Variants in PTPRD observed in about 807,000 individuals in gnomAD.
PTPRD encodes protein tyrosine phosphatase receptor type D, also known as receptor-type tyrosine-protein phosphatase delta.
PTPRD carries 34 observed loss-of-function variants against 214.5 expected under a neutral mutation model. The observed-to-expected ratio is 0.16, with a 90% CI of 0.12 to 0.21. PTPRD has a LOEUF of 0.21. Among genes scored for constraint, PTPRD ranks in the 10% least tolerant of loss-of-function variants. The probability of loss-of-function intolerance (pLI) is 1.00; values close to 1 mark genes in which losing one functional copy is unlikely to be tolerated. For synonymous variants in PTPRD, 1,128 were observed against 845.7 expected (o/e 1.33, Z -5.79); for missense variants, 2,545 against 2,398.7 (o/e 1.06, Z -1.27).
At chr9:9,289,813 A>G (rs1274801615) in intron 9 of PTPRD, among the ~76,000 whole-genome samples, 1 of 151,816 alleles carries the variant, frequency 6.6e-6, no homozygotes, top group Non-Finnish European at 1.5e-5. Context: ...AAGGCTGAAT[A>G]GCATAACATT....
At position 10,302,591 on chromosome 9, in the gene PTPRD, C is replaced by CA. The variant is rs1596504548; in HGVS notation, c.-545+38371dup. Among the ~76,000 whole-genome samples the CA allele has an allele frequency of 2.0e-5, 3 of 151,856 alleles. No individual in the cohort carries two copies. In the East Asian group the frequency reaches 5.8e-4, roughly 29 times the overall value. On this transcript the variant is annotated intron_variant, in intron 3 of 45. Transcript: ENST00000381196. Reference sequence around the variant, plus strand: ...AAATATTTACCAAGCAAATAGAAAGCAAAAATAGCACGGGTTACAATCGTA... The same window carrying CA: ...AAATATTTACCAAGCAAATAGAAAGCAAAAAATAGCACGGGTTACAATCGTA...
At chr9:8,597,116 T>C (rs1224909505) in intron 14 of PTPRD, among the ~76,000 whole-genome samples, 1 of 152,140 alleles carries the variant, frequency 6.6e-6, no homozygotes, top group Non-Finnish European at 1.5e-5. Flanking sequence ...ATGACTGCCA[T>C]TATCAATTCT....
intron 4 of PTPRD, among the ~76,000 whole-genome samples, chr9:9,972,482 C>T (rs935422744): frequency 6.6e-6 from 1 of 152,180 alleles, no homozygotes; most frequent in African/African-American, 2.4e-5. Flanking sequence ...ATTTCATTCA[C>T]TCCCTTCATA....
intron 3 of PTPRD, among the ~76,000 whole-genome samples, chr9:10,221,405 C>T (rs572949919): frequency 6.6e-6 from 1 of 151,968 alleles, no homozygotes; most frequent in East Asian, 1.9e-4. Context: ...GATTCTAGAA[C>T]TATCCTTTTT....
At chr9:9,190,502 C>A (rs988513050) in intron 9 of PTPRD, among the ~76,000 whole-genome samples, 4 of 151,886 alleles carry the variant, frequency 2.6e-5, no homozygotes. Flanking sequence ...ATTCTGAGGC[C>A]CCCCCAGCCA....
chr9:10,338,054 T>G (rs182967134), intron 3 of PTPRD, among the ~76,000 whole-genome samples: 26 of 151,766 alleles, frequency 1.7e-4, no homozygotes, highest in African/African-American at 5.8e-4. Flanking sequence ...ATGAAGTAAG[T>G]TTATTCATAT....
intron 10 of PTPRD, among the ~76,000 whole-genome samples, chr9:9,162,995 C>G (rs1186256589): frequency 1.3e-5 from 2 of 152,110 alleles, no homozygotes; most frequent in Non-Finnish European, 2.9e-5. Context: ...GGGTACAACT[C>G]TCTTCTGGTG....
intron 5 of PTPRD, among the ~76,000 whole-genome samples, chr9:9,937,470 TATTTTATAA>T (rs2089965339): frequency 6.6e-6 from 1 of 150,522 alleles, no homozygotes; most frequent in Non-Finnish European, 1.5e-5. Context: ...TTAGAAAAAA[TATTTTATAA>T]ATTTTATACA....
At chr9:9,904,497 C>G (rs928954777) in intron 5 of PTPRD, among the ~76,000 whole-genome samples, 30 of 152,010 alleles carry the variant, frequency 2.0e-4, no homozygotes, top group African/African-American at 6.8e-4. Context: ...GTAATTATCT[C>G]AAAGGGTAAG....
chr9:10,037,654 A>G (rs904494417), intron 3 of PTPRD, among the ~76,000 whole-genome samples: 1 of 151,932 alleles, frequency 6.6e-6, no homozygotes, highest in Non-Finnish European at 1.5e-5. Context: ...TGGTTTAACC[A>G]AGACAAGTTC....
At chr9:9,886,587 A>G (rs2071014774) in intron 5 of PTPRD, among the ~76,000 whole-genome samples, 1 of 152,138 alleles carries the variant, frequency 6.6e-6, no homozygotes, top group Non-Finnish European at 1.5e-5. Flanking sequence ...GAAATTCTAC[A>G]ATGTGATCTT....
At chr9:8,363,587 G>T (rs1047797244) in intron 39 of PTPRD, among the ~76,000 whole-genome samples, 76 of 152,274 alleles carry the variant, frequency 5.0e-4, no homozygotes, top group African/African-American at 1.7e-3. Flanking sequence ...GTACTTGGGG[G>T]TTTTGCTCTT....
At chr9:8,988,306 T>G (rs1290767793) in intron 11 of PTPRD, among the ~76,000 whole-genome samples, 2 of 152,122 alleles carry the variant, frequency 1.3e-5, no homozygotes, top group Non-Finnish European at 2.9e-5. Context: ...CATGCATAAT[T>G]GTATTTAAGA....
chr9:8,609,465 G>A (rs2095362027), intron 14 of PTPRD, among the ~76,000 whole-genome samples: 1 of 152,164 alleles, frequency 6.6e-6, no homozygotes, highest in Admixed American at 6.5e-5. Flanking sequence ...GAAGTATCAT[G>A]AAAATAAACT....
At chr9:9,944,012 A>G (rs1016120899) in intron 4 of PTPRD, among the ~76,000 whole-genome samples, 1 of 152,118 alleles carries the variant, frequency 6.6e-6, no homozygotes, top group East Asian at 1.9e-4. Flanking sequence ...AGAGTATCTA[A>G]AAGTTGGAAA....
intron 8 of PTPRD, among the ~76,000 whole-genome samples, chr9:9,466,366 T>C (rs1169897724): frequency 2.0e-5 from 3 of 152,170 alleles, no homozygotes; most frequent in Non-Finnish European, 2.9e-5. Context: ...CAGATCAGTG[T>C]TCTAGATGAA....
chr9:9,712,154 A>T (rs1398476830), intron 7 of PTPRD, among the ~76,000 whole-genome samples: 1 of 150,138 alleles, frequency 6.7e-6, no homozygotes, highest in Non-Finnish European at 1.5e-5. Context: ...TAACAATAAG[A>T]GTATCCATTA....
intron 5 of PTPRD, among the ~76,000 whole-genome samples, chr9:9,847,803 T>C (rs982486537): frequency 6.6e-6 from 1 of 152,052 alleles, no homozygotes; most frequent in East Asian, 1.9e-4. Context: ...GGGCTGTCGG[T>C]GGAGCTGAGC....
At chr9:8,641,484 A>C (rs1161750935) in intron 12 of PTPRD, among the ~76,000 whole-genome samples, 1 of 148,472 alleles carries the variant, frequency 6.7e-6, no homozygotes, top group Non-Finnish European at 1.5e-5. Flanking sequence ...GGTTTTGACA[A>C]GTGAGGAGTA....
Sources: gnomAD v4.1 joint callset for allele counts (sites outside exome capture counted in the v4.1 genomes callset) on GRCh38, gnomAD v4.1.1 for gene constraint, MANE v1.5 for transcripts, NCBI Gene and HGNC (gene_info 2026-07-23, HGNC 2026-07-21) for gene names.